Variants in FBXL20 observed in about 807,000 individuals in gnomAD.
FBXL20 encodes F-box and leucine rich repeat protein 20, also known as F-box/LRR-repeat protein 20.
FBXL20 carries 11 observed loss-of-function variants against 64.0 expected under a neutral mutation model. The ratio of observed to expected loss-of-function variants is 0.17; its 90% CI spans 0.11 to 0.28. FBXL20 has a LOEUF of 0.28. Among genes scored for constraint, FBXL20 ranks in the 10% least tolerant of loss-of-function variants. FBXL20 has a pLI of 1.00. For synonymous variants in FBXL20, 184 were observed against 189.0 expected (o/e 0.97, Z 0.22); for missense variants, 303 against 526.2 (o/e 0.58, Z 4.15).
At chr17:39,322,224 T>G (rs1271241184) in intron 2 of FBXL20, among the ~76,000 whole-genome samples, 2 of 150,848 alleles carry the variant, frequency 1.3e-5, no homozygotes, top group Non-Finnish European at 2.9e-5. Context: ...TTGTTTCATG[T>G]GTGCATATGT....
At chr17:39,269,762 T>C (rs577228136) in intron 11 of FBXL20, among the ~76,000 whole-genome samples, 1 of 152,180 alleles carries the variant, frequency 6.6e-6, no homozygotes, top group East Asian at 1.9e-4. Flanking sequence ...CCTCCCCAAG[T>C]GCTGGGATTA....
chr17:39,362,209 C>T (rs1014712339), intron 1 of FBXL20, among the ~76,000 whole-genome samples: 1 of 151,892 alleles, frequency 6.6e-6, no homozygotes, highest in African/African-American at 2.4e-5. Context: ...AGGAGAATGG[C>T]GTGAACCCGG....
chr17:39,385,322 A>AAAAC (rs1555615063), intron 1 of FBXL20, among the ~76,000 whole-genome samples: 2 of 151,198 alleles, frequency 1.3e-5, no homozygotes, highest in African/African-American at 4.9e-5. Context: ...GTCTCTAGAA[A>AAAAC]ACACACACAC....
chr17:39,373,928 T>C, intron 1 of FBXL20, among the ~76,000 whole-genome samples: 1 of 152,168 alleles, frequency 6.6e-6, no homozygotes, highest in East Asian at 1.9e-4. Flanking sequence ...ATTATCAGTA[T>C]TGCTAGATTA....
chr17:39,298,975 T>G lies in FBXL20; in HGVS notation c.329+15A>C, dbSNP rs1432338925. 2 of 1,595,732 alleles carry G rather than the reference T, an allele frequency of 1.3e-6. No homozygotes were observed. The highest frequency in any genetic ancestry group is 1.1e-5 in the South Asian group (1 of 90,218). Reference sequence around the variant, plus strand: ...CACTTCCATCAAGAAGATTAATCAATAGTTATGTTTTTACCTTAATGCATT... The same window carrying G: ...CACTTCCATCAAGAAGATTAATCAAGAGTTATGTTTTTACCTTAATGCATT... On this transcript the variant is annotated intron_variant, in intron 5 of 14. Coordinates refer to ENST00000264658, the MANE Select transcript of FBXL20 (RefSeq NM_032875.3).
intron 9 of FBXL20, among the ~76,000 whole-genome samples, chr17:39,279,946 C>G (rs1320808278): frequency 6.6e-6 from 1 of 151,854 alleles, no homozygotes; most frequent in Non-Finnish European, 1.5e-5. Flanking sequence ...TTTGGGAGGC[C>G]GAGGCAGGCA....
intron 2 of FBXL20, among the ~76,000 whole-genome samples, chr17:39,305,341 A>G (rs2047172432): frequency 1.3e-5 from 2 of 152,214 alleles, no homozygotes. Flanking sequence ...CCAATAAGTT[A>G]TTTGCTGAAA....
At chr17:39,325,319 A>T (rs928497118) in intron 2 of FBXL20, among the ~76,000 whole-genome samples, 3 of 152,240 alleles carry the variant, frequency 2.0e-5, no homozygotes, top group African/African-American at 7.2e-5. Context: ...TCTTTTAAGT[A>T]ATACCTTTTT....
At chr17:39,296,944 T>C (rs1379749707) in intron 6 of FBXL20, among the ~76,000 whole-genome samples, 183 bp downstream of exon 6, 1 of 152,224 alleles carries the variant, frequency 6.6e-6, no homozygotes, top group African/African-American at 2.4e-5. Context: ...GTATCAAAGA[T>C]AGAATTCCAA....
intron 2 of FBXL20, among the ~76,000 whole-genome samples, chr17:39,335,144 G>A (rs900785261): frequency 6.6e-6 from 1 of 152,072 alleles, no homozygotes; most frequent in Non-Finnish European, 1.5e-5. Context: ...ATAATCTCAA[G>A]TCGTAAAACA....
At chr17:39,331,864 G>C (rs2047464590) in intron 2 of FBXL20, among the ~76,000 whole-genome samples, 1 of 152,080 alleles carries the variant, frequency 6.6e-6, no homozygotes, top group Non-Finnish European at 1.5e-5. Flanking sequence ...ACCAGTTTTT[G>C]TATTTTATAC....
intron 2 of FBXL20, among the ~76,000 whole-genome samples, chr17:39,320,614 G>A (rs2047346383): frequency 7.2e-6 from 1 of 138,256 alleles, no homozygotes; most frequent in Admixed American, 7.4e-5. Flanking sequence ...TTTTTTTTGA[G>A]ATAGAGTTTT....
chr17:39,349,772 T>TA (rs2047669845), intron 1 of FBXL20, among the ~76,000 whole-genome samples: 1 of 151,800 alleles, frequency 6.6e-6, no homozygotes, highest in Non-Finnish European at 1.5e-5. Context: ...CCATCTCTAC[T>TA]AAAAATACAA....
intron 1 of FBXL20, among the ~76,000 whole-genome samples, chr17:39,382,287 C>T (rs2048031576): frequency 6.6e-6 from 1 of 151,206 alleles, no homozygotes; most frequent in Non-Finnish European, 1.5e-5. Flanking sequence ...ACTAAAAATA[C>T]AAAAAATTAG....
chr17:39,332,465 C>T (rs1003899210), intron 2 of FBXL20, among the ~76,000 whole-genome samples: 1 of 151,348 alleles, frequency 6.6e-6, no homozygotes, highest in Non-Finnish European at 1.5e-5. Context: ...AAAGGACCCT[C>T]GGAAGCTTAC....
At position 39,347,557 on chromosome 17, in the gene FBXL20, T is replaced by C. The variant is rs575526480; in HGVS notation, c.43-4316A>G. ...GGGTTGTTTGATTTTTTCTTGTAAATTTGTTTAAGTTCTTTGTAGATTCTG... is the reference window on the plus strand; with the variant it reads ...GGGTTGTTTGATTTTTTCTTGTAAACTTGTTTAAGTTCTTTGTAGATTCTG... On this transcript the variant is annotated intron_variant, in intron 1 of 14. Transcript: ENST00000264658. Among the ~76,000 whole-genome samples the C allele has an allele frequency of 2.3e-4, 35 of 152,350 alleles. No individual in the cohort carries two copies. The Middle Eastern group carries it at 0.014, about 59-fold the overall frequency.
chr17:39,340,986 A>G (rs2047577207), intron 2 of FBXL20, among the ~76,000 whole-genome samples: 1 of 151,490 alleles, frequency 6.6e-6, no homozygotes, highest in South Asian at 2.1e-4. Flanking sequence ...AATTGTTTAA[A>G]CAAAGTTTTG....
At chr17:39,303,187 C>T (rs780521923) in intron 3 of FBXL20, among the ~76,000 whole-genome samples, 1 of 151,378 alleles carries the variant, frequency 6.6e-6, no homozygotes, top group African/African-American at 2.4e-5. Context: ...AGTTTCAATC[C>T]ATAGATAGCC....
chr17:39,297,068 G>T (rs963190069), intron 6 of FBXL20, 59 bp downstream of exon 6: 23 of 1,212,240 alleles, frequency 1.9e-5, no homozygotes, highest in Non-Finnish European at 2.6e-5. Context: ...TGAATTTAAG[G>T]TTGTATCAGC....
Sources: allele counts gnomAD v4.1 joint callset (sites outside exome capture counted in the v4.1 genomes callset), GRCh38; gene constraint gnomAD v4.1.1; transcripts MANE v1.5; gene names NCBI Gene and HGNC (gene_info 2026-07-23, HGNC 2026-07-21).